The following ZNF69 variants were observed in gnomAD, a reference collection of about 807,000 sequenced individuals.
ZNF69 encodes the protein zinc finger protein 69.
Under a neutral mutation model 50.9 loss-of-function variants are expected in ZNF69, and 47 were observed. That is an observed-to-expected ratio of 0.92 (90% CI 0.73 to 1.18). ZNF69 has a LOEUF of 1.18. ZNF69 is among the 50% of genes most tolerant of loss of function. The pLI is 0.00. For synonymous variants in ZNF69, 216 were observed against 223.1 expected (o/e 0.97, Z 0.29); for missense variants, 717 against 675.1 (o/e 1.06, Z -0.69).
intron 1 of ZNF69, among the ~76,000 whole-genome samples, chr19:11,900,885 C>A (rs555825052): frequency 2.0e-5 from 3 of 152,164 alleles, no homozygotes; most frequent in South Asian, 2.1e-4. Context: ...GTGTGTGAAA[C>A]CTTATTGCCA....
At chr19:11,897,211 G>A (rs1972141598) in intron 1 of ZNF69, among the ~76,000 whole-genome samples, 1 of 152,134 alleles carries the variant, frequency 6.6e-6, no homozygotes, top group Non-Finnish European at 1.5e-5. Context: ...GCCAGGCCTG[G>A]TGGCACATGC....
At chr19:11,913,747 GC>G (rs1972492644) in exon 5 of ZNF69, 4 of 175,646 alleles carry the variant, frequency 2.3e-5, no homozygotes, top group Non-Finnish European at 4.8e-5. Context: ...ACCTCTGAGT[GC>G]CTTCTTCCCA....
chr19:11,899,032 C>T (rs992765070), intron 1 of ZNF69, among the ~76,000 whole-genome samples: 5 of 152,236 alleles, frequency 3.3e-5, no homozygotes, highest in African/African-American at 1.2e-4. Flanking sequence ...GTCATGTATC[C>T]ACCATCACAG....
At chr19:11,955,401 T>C in the ZNF69 span, among the ~76,000 whole-genome samples, 1 of 151,138 alleles carries the variant, frequency 6.6e-6, no homozygotes, top group African/African-American at 2.4e-5. Flanking sequence ...TCTTTCTTTT[T>C]TTTTTTTTTT....
At chr19:11,970,436 A>G in the ZNF69 span, among the ~76,000 whole-genome samples, 2 of 152,250 alleles carry the variant, frequency 1.3e-5, no homozygotes, top group African/African-American at 4.8e-5. Context: ...CGTTAAATCC[A>G]TAAAGAAAAT....
At chr19:11,949,942 A>T in the ZNF69 span, 3 of 1,614,152 alleles carry the variant, frequency 1.9e-6, no homozygotes, top group South Asian at 3.3e-5. Context: ...GATGCATGAA[A>T]GGACTCACAC....
downstream of ZNF69, among the ~76,000 whole-genome samples, chr19:11,914,923 G>A (rs1181284568): frequency 1.3e-5 from 2 of 152,274 alleles, no homozygotes; most frequent in African/African-American, 2.4e-5. Context: ...GTGAAACCTG[G>A]CCAGGCACAG....
At chr19:11,910,891 C>A (rs963163753), downstream of ZNF69, among the ~76,000 whole-genome samples, 2 of 152,152 alleles carry the variant, frequency 1.3e-5, no homozygotes, top group Non-Finnish European at 2.9e-5. Flanking sequence ...AGGCAACCTA[C>A]AGAATGGGAG....
chr19:11,970,746 A>G, the ZNF69 span, among the ~76,000 whole-genome samples: 4 of 152,156 alleles, frequency 2.6e-5, no homozygotes, highest in Non-Finnish European at 4.4e-5. Context: ...AGCCTGACCA[A>G]TATAGTGAAA....
chr19:11,927,990 G>A, the ZNF69 span, among the ~76,000 whole-genome samples: 3 of 151,488 alleles, frequency 2.0e-5, no homozygotes, highest in Non-Finnish European at 2.9e-5. Context: ...GCTGATGTAT[G>A]AGATACAACA....
intron 1 of ZNF69, among the ~76,000 whole-genome samples, chr19:11,898,578 A>G (rs1475528061): frequency 1.3e-5 from 2 of 151,934 alleles, no homozygotes; most frequent in African/African-American, 4.8e-5. Context: ...TTTAGTAGAG[A>G]GAGGGTTTCA....
the ZNF69 span, among the ~76,000 whole-genome samples, chr19:11,962,078 G>A: frequency 6.6e-6 from 1 of 152,172 alleles, no homozygotes; most frequent in Non-Finnish European, 1.5e-5. Context: ...GGCCACCCCA[G>A]TGCTGGGATT....
At chr19:11,892,039 G>A (rs1977102590) in intron 1 of ZNF69, among the ~76,000 whole-genome samples, 1 of 151,928 alleles carries the variant, frequency 6.6e-6, no homozygotes, top group African/African-American at 2.4e-5. Context: ...GAGCAGTGGT[G>A]CGATCATGGC....
At chr19:11,908,229 T>C (rs887411982), downstream of ZNF69, among the ~76,000 whole-genome samples, 103 of 152,352 alleles carry the variant, frequency 6.8e-4, no homozygotes, top group African/African-American at 2.3e-3. Context: ...AATGGGAGAC[T>C]TTAACATCCC....
At chr19:11,947,582 G>T in the ZNF69 span, 1 of 1,612,464 alleles carries the variant, frequency 6.2e-7, no homozygotes, top group Admixed American at 1.7e-5. Flanking sequence ...CAGGTAATTT[G>T]CATTTCCAAG....
intron 4 of ZNF69, among the ~76,000 whole-genome samples, chr19:11,912,811 CCTG>C (rs1972476771): frequency 2.0e-5 from 3 of 152,282 alleles, no homozygotes; most frequent in African/African-American, 7.2e-5. Context: ...AGCATTCAGA[CCTG>C]ACAAGATTCT....
the ZNF69 span, among the ~76,000 whole-genome samples, chr19:11,937,301 A>G: frequency 6.6e-6 from 1 of 152,092 alleles, no homozygotes; most frequent in Non-Finnish European, 1.5e-5. Context: ...TTGCTAATCC[A>G]GGTGTTTCAG....
At chr19:11,903,791 A>G (rs1385963605) in intron 2 of ZNF69, 92 bp downstream of exon 2, 1 of 1,603,328 alleles carries the variant, frequency 6.2e-7, no homozygotes, top group East Asian at 2.2e-5. Context: ...ATAGACAGGA[A>G]ATACTTTGAT....
chr19:11,945,930 C>T, the ZNF69 span, among the ~76,000 whole-genome samples: 2 of 151,964 alleles, frequency 1.3e-5, no homozygotes, highest in African/African-American at 2.4e-5. Context: ...CTTGTTTTGC[C>T]GAGACTCGTG....
Sources: gnomAD v4.1 joint callset for allele counts (sites outside exome capture counted in the v4.1 genomes callset) on GRCh38, gnomAD v4.1.1 for gene constraint, MANE v1.5 for transcripts, NCBI Gene and HGNC (gene_info 2026-07-23, HGNC 2026-07-21) for gene names.